The following TIAM1 variants were observed in gnomAD, a reference collection of about 807,000 sequenced individuals.
The protein encoded by TIAM1 is rho guanine nucleotide exchange factor TIAM1.
Under a neutral mutation model 163.5 loss-of-function variants are expected in TIAM1, and 65 were observed. The ratio of observed to expected loss-of-function variants is 0.40; its 90% CI spans 0.33 to 0.49. The LOEUF is 0.49. Ranked by LOEUF, TIAM1 falls within the 20% of genes least tolerant of loss-of-function variation. The pLI is 0.77. For missense variants in TIAM1, 1,789 were observed against 2,044.7 expected (o/e 0.87, Z 2.41); for synonymous variants, 833 against 810.1 (o/e 1.03, Z -0.48).
At chr21:31,162,718 T>C (rs2083990506) in intron 16 of TIAM1, among the ~76,000 whole-genome samples, 2 of 151,632 alleles carry the variant, frequency 1.3e-5, no homozygotes, top group South Asian at 4.2e-4. Context: ...CTTGACTCAC[T>C]GCAACCTCTG....
intron 16 of TIAM1, chr21:31,160,389 A>C (rs2083854647): frequency 5.0e-6 from 2 of 398,462 alleles, no homozygotes; most frequent in Non-Finnish European, 8.8e-6. Flanking sequence ...CTGAGCTAGA[A>C]AGTCATAACA....
chr21:31,349,174 A>G (rs2076195623), upstream of TIAM1, among the ~76,000 whole-genome samples: 1 of 152,194 alleles, frequency 6.6e-6, no homozygotes, highest in Non-Finnish European at 1.5e-5. Context: ...CATTGTTTTC[A>G]TTACCCCAAA....
At chr21:31,253,763 C>T (rs1179467552) in intron 4 of TIAM1, among the ~76,000 whole-genome samples, 1 of 152,164 alleles carries the variant, frequency 6.6e-6, no homozygotes, top group African/African-American at 2.4e-5. Context: ...CTGGTTCCCA[C>T]AGCTTTGCTA....
chr21:31,513,123 CTATT>C (rs2047267753), intron 1 of TIAM1, among the ~76,000 whole-genome samples: 1 of 152,150 alleles, frequency 6.6e-6, no homozygotes, highest in South Asian at 2.1e-4. Context: ...TAAAGCAATG[CTATT>C]TATTTTGTTT....
At chr21:31,487,381 CT>C (rs910249847) in intron 1 of TIAM1, among the ~76,000 whole-genome samples, 8 of 151,974 alleles carry the variant, frequency 5.3e-5, no homozygotes, top group Non-Finnish European at 1.0e-4. Context: ...TTTCTTTTTT[CT>C]TTTTTTGAGA....
intron 25 of TIAM1, among the ~76,000 whole-genome samples, chr21:31,128,820 T>C (rs553041159): frequency 6.6e-6 from 1 of 152,308 alleles, no homozygotes; most frequent in East Asian, 1.9e-4. Flanking sequence ...GCAGAAAAAC[T>C]GTGAAGGAAG....
chr21:31,400,808 C>T (rs1191625968), intron 2 of TIAM1, among the ~76,000 whole-genome samples: 1 of 152,038 alleles, frequency 6.6e-6, no homozygotes, highest in East Asian at 1.9e-4. Context: ...AGTGGAATCC[C>T]GGCCGGGCAC....
At chr21:31,179,511 A>T (rs2084916185) in intron 15 of TIAM1, among the ~76,000 whole-genome samples, 1 of 152,064 alleles carries the variant, frequency 6.6e-6, no homozygotes, top group South Asian at 2.1e-4. Flanking sequence ...GTAAATACTT[A>T]AAAAATATCA....
intron 14 of TIAM1, among the ~76,000 whole-genome samples, chr21:31,183,577 C>T (rs1345789903): frequency 6.6e-6 from 1 of 152,312 alleles, no homozygotes; most frequent in African/African-American, 2.4e-5. Flanking sequence ...CTCCCAGGCC[C>T]TCGGGCATCC....
chr21:31,312,163 C>CCTGTTT (rs906450665), intron 2 of TIAM1, among the ~76,000 whole-genome samples: 1 of 152,198 alleles, frequency 6.6e-6, no homozygotes, highest in Non-Finnish European at 1.5e-5. Flanking sequence ...TTGCAGAAAG[C>CCTGTTT]CTGTTGAGGG....
rs537495962 is a variant in TIAM1, at chr21:31,161,779, T to C, written c.2991+3183A>G. Among the ~76,000 whole-genome samples, 10 of 152,350 alleles carry C rather than the reference T, an allele frequency of 6.6e-5. No homozygotes were observed. The South Asian group carries it at 1.7e-3, about 25-fold the overall frequency. Reference sequence around the variant, plus strand: ...TCAGCCTCGTGCATTCAGACAAGGCTAAATCATGCTTCCGAGTTTAGACAG... The same window carrying C: ...TCAGCCTCGTGCATTCAGACAAGGCCAAATCATGCTTCCGAGTTTAGACAG... On this transcript the variant is annotated intron_variant, in intron 16 of 27. Transcript: ENST00000541036.
chr21:31,384,582 C>A (rs1250565270), intron 2 of TIAM1, among the ~76,000 whole-genome samples: 1 of 151,958 alleles, frequency 6.6e-6, no homozygotes, highest in Non-Finnish European at 1.5e-5. Context: ...CTCTAAAAAA[C>A]AAAAGAAAGA....
At chr21:31,268,640 CT>C (rs541235383) in intron 3 of TIAM1, among the ~76,000 whole-genome samples, 95 of 152,296 alleles carry the variant, frequency 6.2e-4, no homozygotes, top group African/African-American at 2.3e-3. Context: ...AAGACAATCT[CT>C]TTTTTACTAG....
intron 6 of TIAM1, among the ~76,000 whole-genome samples, chr21:31,237,266 C>T (rs1210127059): frequency 6.6e-6 from 1 of 152,192 alleles, no homozygotes; most frequent in Non-Finnish European, 1.5e-5. Flanking sequence ...TTGACACCTC[C>T]TTATGAAAGA....
At chr21:31,473,926 G>C (rs961362234) in intron 1 of TIAM1, among the ~76,000 whole-genome samples, 1 of 152,124 alleles carries the variant, frequency 6.6e-6, no homozygotes, top group African/African-American at 2.4e-5. Flanking sequence ...AAAGAAAAGA[G>C]GTTTATTTGG....
intron 2 of TIAM1, among the ~76,000 whole-genome samples, chr21:31,459,281 T>C (rs1169637896): frequency 6.6e-6 from 1 of 152,100 alleles, no homozygotes; most frequent in East Asian, 1.9e-4. Flanking sequence ...CCAGTTAATT[T>C]TTTTTATTTT....
At chr21:31,442,092 A>ATATATATATATATAT (rs1555982243) in intron 2 of TIAM1, among the ~76,000 whole-genome samples, 3 of 40,164 alleles carry the variant, frequency 7.5e-5, no homozygotes, top group South Asian at 1.3e-3. Flanking sequence ...TATATAGAAC[A>ATATATATATATATAT]ATAAGGGTAT....
chr21:31,441,477 A>G (rs976972044), intron 2 of TIAM1, among the ~76,000 whole-genome samples: 1 of 152,194 alleles, frequency 6.6e-6, no homozygotes, highest in Non-Finnish European at 1.5e-5. Context: ...CTAGGACTTG[A>G]GTCCCAGGAA....
chr21:31,271,128 C>A (rs555252910), intron 3 of TIAM1, among the ~76,000 whole-genome samples: 1 of 152,038 alleles, frequency 6.6e-6, no homozygotes, highest in Admixed American at 6.6e-5. Context: ...CCCACTAGAG[C>A]CTAAGCTTCA....
Sources: allele counts gnomAD v4.1 joint callset (sites outside exome capture counted in the v4.1 genomes callset), GRCh38; gene constraint gnomAD v4.1.1; transcripts MANE v1.5; gene names NCBI Gene and HGNC (gene_info 2026-07-23, HGNC 2026-07-21).